FLNA: variants seen among roughly 807,000 people sequenced by gnomAD.
The protein encoded by FLNA is filamin-A.
Under a neutral mutation model 157.6 loss-of-function variants are expected in FLNA, and 7 were observed. The ratio of observed to expected loss-of-function variants is 0.04; its 90% confidence interval spans 0.03 to 0.08. FLNA has a LOEUF of 0.08. Ranked by LOEUF, FLNA falls within the 10% of genes least tolerant of loss-of-function variation. The pLI is 1.00. For synonymous variants in FLNA, 1,103 were observed against 1,060.8 expected (o/e 1.04, Z -0.77); for missense variants, 1,750 against 2,398.4 (o/e 0.73, Z 5.65).
At chrX:154,361,108 C>CAAAAAAAAAA (rs2067706958) in intron 21 of FLNA, among the ~76,000 whole-genome samples, 200 bp downstream of exon 21, 2 of 70,280 alleles carry the variant, frequency 2.8e-5, no homozygotes, top group Admixed American at 1.6e-4. Flanking sequence ...AGAAATTCTT[C>CAAAAAAAAAA]AACCCTGATG....
At chrX:154,350,470 AC>A in intron 44 of FLNA, 1 of 424,470 alleles carries the variant, frequency 2.4e-6, no homozygotes, top group Non-Finnish European at 4.1e-6. Flanking sequence ...AAGAAAGGTT[AC>A]CGTGAACACC....
At position 154,350,973 on chromosome X, in the gene FLNA, G is replaced by T. The variant is rs782591917; in HGVS notation, c.7092C>A (p.Ile2364=). The part of the protein sequence containing the change: ...AVSLNGAKGA[I]DAKVHSPSGA... ...CTGAGGGGCTGTGCACCTTGGCATC[G>T]ATCGCCCCCTTGGCCCCGTTCAGGC... The change falls in exon 44 of 48, where the codon ATC becomes ATA. Residue 2364 remains isoleucine, a synonymous_variant. Coordinates refer to ENST00000369850, the MANE Select transcript of FLNA (RefSeq NM_001110556.2). 6.0e-5 allele frequency: 73 copies of T among 1,209,545 alleles called. No individual in the cohort carries two copies. In the South Asian group the frequency reaches 7.4e-4, roughly 12 times the overall value.
At chrX:154,356,763 T>C (rs1477553160) in intron 30 of FLNA, among the ~76,000 whole-genome samples, 1 of 112,358 alleles carries the variant, frequency 8.9e-6, no homozygotes, top group African/African-American at 3.2e-5. Context: ...GCTACTGCAC[T>C]ACCAGCCAGC....
Position 154,359,059 on chromosome X carries a change from G to A in FLNA, c.4399C>T (p.Leu1467Phe). The A allele has an allele frequency of 8.3e-7, 1 of 1,211,416 alleles. No individual in the cohort carries two copies. The highest frequency in any genetic ancestry group is 1.1e-6 in the Non-Finnish European group (1 of 895,349). Reference protein sequence around the residue: ...GLSPGMVRANLPQSFQVDTSK... With the variant: ...GLSPGMVRANFPQSFQVDTSK... Reference sequence around the variant, plus strand: ...GTGTCCACCTGGAAGGACTGAGGGAGGTTGGCACGAACCATGCCTGGGCTC... The same window carrying A: ...GTGTCCACCTGGAAGGACTGAGGGAAGTTGGCACGAACCATGCCTGGGCTC... Residue 1467 changes from leucine (L) to phenylalanine (F), a missense_variant, in exon 26 of 48, where the codon CTC becomes TTC. Leu to Phe is a conservative substitution (Grantham distance 22, BLOSUM62 0). Coordinates refer to ENST00000369850, the MANE Select transcript of FLNA (RefSeq NM_001110556.2).
intron 1 of FLNA, among the ~76,000 whole-genome samples, chrX:154,373,088 G>A (rs1270661187): frequency 3.6e-5 from 4 of 112,134 alleles, no homozygotes; most frequent in African/African-American, 1.3e-4. Context: ...TCTGGGAGCT[G>A]GGGTGGAGGT....
In FLNA at chrX:154,354,362, T is replaced by G. The variant is rs2067646225; in HGVS notation, c.5416+19A>C. On this transcript the variant is annotated intron_variant, in intron 33 of 47. Transcript: ENST00000369850. ...CTGGCCTCCTTGGCTCCCGAGCTCCTTCCCAAGTCCCCACTCACCTGTGAT... is the reference window on the plus strand; with the variant it reads ...CTGGCCTCCTTGGCTCCCGAGCTCCGTCCCAAGTCCCCACTCACCTGTGAT... 8.3e-7 allele frequency: 1 copy of G among 1,211,080 alleles called. No individual in the cohort carries two copies. Among genetic ancestry groups the G allele is most frequent in the East Asian group, 3.0e-5 (1 of 33,852 alleles).
In FLNA at chrX:154,357,134, ACT is replaced by A. The variant is rs1423783777; in HGVS notation, c.4969+115_4969+116del. On this transcript the variant is annotated intron_variant, in intron 30 of 47. Transcript: ENST00000369850. ...GGCCTCATCTTCTGCACCCCACCCAACTCTGTCCCTGCCTAGAGCTGCAGCTG... is the reference window on the plus strand; with the variant it reads ...GGCCTCATCTTCTGCACCCCACCCAACTGTCCCTGCCTAGAGCTGCAGCTG... The A allele has an allele frequency of 6.7e-6, 5 of 745,225 alleles. No homozygotes were observed. In the African/African-American group the frequency reaches 1.1e-4, roughly 16 times the overall value. 61.4% of individuals were successfully genotyped at this position (745,225 alleles called of 1,213,427 possible). A position where few individuals can be genotyped will look rare whatever the true frequency, so the allele number is the denominator to read the frequency against.
chrX:154,363,481 G>A (rs888442499), intron 15 of FLNA, among the ~76,000 whole-genome samples: 11 of 109,720 alleles, frequency 1.0e-4, no homozygotes, highest in East Asian at 8.5e-4. Flanking sequence ...TTGGGAGGCC[G>A]AGGTGGGCAG....
Position 154,364,917 on chromosome X carries a change from T to G in FLNA, c.1732A>C (p.Lys578Gln). Residue 578 changes from lysine to glutamine, a missense_variant, in exon 12 of 48, where the codon AAG becomes CAG. By Grantham distance (53) the Lys-to-Gln change is moderately conservative. This residue lies in a region of FLNA where 648 missense variants were observed against 805.8 expected (regional missense o/e 0.80). Transcript: ENST00000369850. ...AGCCCAGGGCCCCAGGCCCGTACCT[T>G]CTGATTGCCACACTCGGTGCCCACC... ...VKVGTECGNQ[K>Q]VRAWGPGLEG... is the part of the protein sequence containing the mutation. The G allele has an allele frequency of 8.3e-7, 1 of 1,211,148 alleles. No individual in the cohort carries two copies. The highest frequency in any genetic ancestry group is 1.1e-6 in the Non-Finnish European group (1 of 895,449).
At position 154,348,759 on chromosome X, in the gene FLNA, G is replaced by A; in HGVS notation, c.*90C>T. The A allele has an allele frequency of 2.2e-6, 2 of 914,664 alleles. No individual in the cohort carries two copies. Among genetic ancestry groups the A allele is most frequent in the Admixed American group, 3.1e-5 (1 of 32,002 alleles). The allele number at this position is 914,664 out of a possible 1,213,427, so 75.4% of individuals were successfully genotyped here. ...CTGCAGTGACAGGCGGGCGGCCAGG[G>A]CGGCCTGGGCCGGGGTTGAGGGGAA... On this transcript the variant is annotated 3_prime_UTR_variant, in exon 48 of 48. Transcript: ENST00000369850.
Position 154,366,574 on chromosome X carries a change from C to T in FLNA, c.1053G>A (p.Thr351=). 2 of 1,211,714 alleles carry T rather than the reference C, an allele frequency of 1.7e-6. No homozygotes were observed. Among genetic ancestry groups the T allele is most frequent in the East Asian group, 3.0e-5 (1 of 33,858 alleles). Residue 351 remains threonine, a synonymous_variant, in exon 7 of 48, where the codon ACG becomes ACA. Coordinates refer to ENST00000369850, the MANE Select transcript of FLNA (RefSeq NM_001110556.2). ...TFSVWYVPEV[T]GTHKVTVLFA... ...GCCAAGGGCTCACCTTATGAGTCCC[C>T]GTCACCTCGGGGACGTACCAGACGG... is the stretch of plus-strand genomic sequence containing the variant.
Position 154,371,265 on chromosome X carries a change from G to T in FLNA, c.-20C>A, listed in dbSNP as rs781821429. ...ACTCATTTTGAGGCGCGAGAAGCCG[G>T]GGGGGCGGTGCTGCAGCCTCGGCGA... is the stretch of plus-strand genomic sequence containing the variant. On this transcript the variant is annotated 5_prime_UTR_variant, in exon 2 of 48. Coordinates refer to ENST00000369850, the MANE Select transcript of FLNA (RefSeq NM_001110556.2). 1.8e-4 allele frequency: 219 copies of T among 1,196,478 alleles called. No individual in the cohort carries two copies. Among genetic ancestry groups the T allele is most frequent in the Non-Finnish European group, 1.9e-4 (168 of 891,166 alleles).
At chrX:154,362,631 C>T in intron 16 of FLNA, 30 bp downstream of exon 16, 1 of 1,211,029 alleles carries the variant, frequency 8.3e-7, no homozygotes, top group African/African-American at 1.7e-5. Flanking sequence ...ACCCCAGCCA[C>T]CTGCCCTCCC....
Position 154,366,583 on chromosome X carries a change from G to C in FLNA, c.1044C>G (p.Pro348=). The C allele has an allele frequency of 8.3e-7, 1 of 1,211,811 alleles. No homozygotes were observed. Among genetic ancestry groups the C allele is most frequent in the Non-Finnish European group, 1.1e-6 (1 of 895,195 alleles). ...TCACCTTATGAGTCCCCGTCACCTC[G>C]GGGACGTACCAGACGGAGAAGGTGC... The part of the protein sequence containing the change: ...KNRTFSVWYV[P]EVTGTHKVTV... The change falls in exon 7 of 48, where the codon CCC becomes CCG. Residue 348 remains proline, a synonymous_variant. Transcript: ENST00000369850.
Position 154,361,526 on chromosome X carries a change from C to A in FLNA, c.2989G>T (p.Gly997Cys). 2 of 1,211,643 alleles carry A rather than the reference C, an allele frequency of 1.7e-6. No individual in the cohort carries two copies. Among genetic ancestry groups the A allele is most frequent in the Non-Finnish European group, 2.2e-6 (2 of 895,380 alleles). ...GCCACTTTGCCTTGACCACCAGCAC[C>A]CTTTGATTTGACTGTGAACTCCTGG... ...KDQEFTVKSK[G>C]AGGQGKVASK... is the part of the protein sequence containing the mutation. Residue 997 changes from glycine to cysteine, a missense_variant, in exon 21 of 48, where the codon GGT (glycine) becomes TGT (cysteine). Physicochemically the swap from Gly to Cys is radical, Grantham distance 159. Around this residue, in one of 5 missense-constraint regions of FLNA, gnomAD observed 648 missense variants for 805.8 expected, o/e 0.80. Transcript: ENST00000369850.
chrX:154,367,175 C>T (rs1157633599), intron 5 of FLNA, among the ~76,000 whole-genome samples: 6 of 112,130 alleles, frequency 5.4e-5, no homozygotes, highest in Non-Finnish European at 9.4e-5. Flanking sequence ...GCTACCTCCC[C>T]GAGGACCCCA....
Position 154,354,806 on chromosome X carries a change from A to AC in FLNA, c.5217+18dup, listed in dbSNP as rs782326418. ...ACCTGCCAGACACCCCTGCTGACCT[A>AC]CCCCCCACCCCTCCTCACCGTCACT... On this transcript the variant is annotated intron_variant, in intron 31 of 47. Transcript: ENST00000369850. 8.3e-7 allele frequency: 1 copy of AC among 1,209,615 alleles called. No individual in the cohort carries two copies. Among genetic ancestry groups the AC allele is most frequent in the Non-Finnish European group, 1.1e-6 (1 of 894,921 alleles).
intron 15 of FLNA, among the ~76,000 whole-genome samples, chrX:154,363,441 G>A (rs1299053136): frequency 9.2e-6 from 1 of 108,357 alleles, no homozygotes; most frequent in South Asian, 4.0e-4. Flanking sequence ...CAGGATGGGC[G>A]CGGTGGCTCA....
chrX:154,358,635 T>C, intron 26 of FLNA, 67 bp from the exon 27 acceptor site: 1 of 1,160,651 alleles, frequency 8.6e-7, no homozygotes, highest in Non-Finnish European at 1.2e-6. Context: ...CCCACCACAC[T>C]GGACGGCCAG....
Sources: gnomAD v4.1 joint callset for allele counts (sites outside exome capture counted in the v4.1 genomes callset) on GRCh38, gnomAD v4.1.1 for gene constraint, gnomAD v4.1.1 regional missense constraint, MANE v1.5 for transcripts, NCBI Gene and HGNC (gene_info 2026-07-23, HGNC 2026-07-21) for gene names.